Variants in PPP4R4 observed in about 807,000 individuals in gnomAD.
PPP4R4 encodes the protein serine/threonine-protein phosphatase 4 regulatory subunit 4.
Under a neutral mutation model 121.8 loss-of-function variants are expected in PPP4R4, and 70 were observed. The observed-to-expected ratio is 0.57, with a 90% confidence interval of 0.47 to 0.70. PPP4R4 has a LOEUF of 0.70. Among genes scored for constraint, PPP4R4 ranks in the 30% least tolerant of loss-of-function variants. The pLI is 0.00. For synonymous variants in PPP4R4, 348 were observed against 355.7 expected (o/e 0.98, Z 0.24); for missense variants, 875 against 1,033.6 (o/e 0.85, Z 2.10).
chr14:94,275,253 A>G, intron 23 of PPP4R4, 121 bp from the exon 24 acceptor site: 2 of 1,123,106 alleles, frequency 1.8e-6, no homozygotes, highest in Non-Finnish European at 2.6e-6. Flanking sequence ...TATGTAAATT[A>G]TACCCTCATA....
At chr14:94,218,025 G>A (rs947285721) in intron 3 of PPP4R4, among the ~76,000 whole-genome samples, 2 of 152,076 alleles carry the variant, frequency 1.3e-5, no homozygotes, top group Admixed American at 6.6e-5. Flanking sequence ...AAATAAAAAA[G>A]ATGATATCTG....
intron 2 of PPP4R4, among the ~76,000 whole-genome samples, chr14:94,205,681 A>G (rs1890417060): frequency 6.6e-6 from 1 of 151,330 alleles, no homozygotes; most frequent in Non-Finnish European, 1.5e-5. Flanking sequence ...ACAAATGTTG[A>G]TTTTTTATTT....
intron 23 of PPP4R4, among the ~76,000 whole-genome samples, chr14:94,274,056 T>C (rs1259716496): frequency 1.3e-5 from 2 of 152,244 alleles, no homozygotes; most frequent in African/African-American, 4.8e-5. Context: ...TATGACCACA[T>C]GTACACATTA....
intron 18 of PPP4R4, 79 bp downstream of exon 18, chr14:94,258,903 T>A: frequency 7.7e-7 from 1 of 1,305,162 alleles, no homozygotes; most frequent in Non-Finnish European, 1.1e-6. Flanking sequence ...CTGGGCAATT[T>A]ACAAAAGAAA....
intron 15 of PPP4R4, among the ~76,000 whole-genome samples, chr14:94,250,744 A>C (rs1893138325): frequency 6.6e-6 from 1 of 151,908 alleles, no homozygotes; most frequent in Admixed American, 6.6e-5. Context: ...TACAAATGCA[A>C]ATTTATTTTA....
rs1396776586 is a variant in PPP4R4 at position 94,230,625 on chromosome 14, G to A, written c.333G>A (p.Thr111=). 25 of 1,612,872 alleles carry A rather than the reference G, an allele frequency of 1.6e-5. No individual in the cohort carries two copies. Among genetic ancestry groups the A allele is most frequent in the South Asian group, 4.4e-5 (4 of 91,046 alleles). ...LHVAGVEMQL[T]AAMSFLTILQ... is the part of the protein sequence containing the mutation. The stretch of plus-strand genomic sequence containing the variant: ...TTGCAGGAGTGGAAATGCAGTTAAC[G>A]GCTGCGATGTCATTTCTGACCATTC... The change falls in exon 4 of 25, where the codon ACG becomes ACA. Residue 111 remains threonine (T), a synonymous_variant. Coordinates refer to ENST00000304338, the MANE Select transcript of PPP4R4 (RefSeq NM_058237.2).
intron 2 of PPP4R4, among the ~76,000 whole-genome samples, chr14:94,196,127 A>G (rs1264323709): frequency 1.4e-5 from 2 of 142,938 alleles, no homozygotes; most frequent in Non-Finnish European, 3.1e-5. Flanking sequence ...TATTGGATTG[A>G]TTTTCTCAGG....
At position 94,279,522 on chromosome 14, in the gene PPP4R4, A is replaced by G. The variant is rs1241475092; in HGVS notation, c.*879A>G. 1 of 152,596 alleles carries G rather than the reference A, an allele frequency of 6.6e-6. No homozygotes were observed. The highest frequency in any genetic ancestry group is 2.4e-5 in the African/African-American group (1 of 41,462). The allele number at this position is 152,596 out of a possible 1,614,324, so 9.5% of individuals were successfully genotyped here. A position where few individuals can be genotyped will look rare whatever the true frequency, so the allele number is the denominator to read the frequency against. ...CTTAATTTTAAACTGTCAGTTCTTGAGATATACCGTGTGAAGCTATTGTCA... is the reference window on the plus strand; with the variant it reads ...CTTAATTTTAAACTGTCAGTTCTTGGGATATACCGTGTGAAGCTATTGTCA... On this transcript the variant is annotated 3_prime_UTR_variant, in exon 25 of 25. Coordinates refer to ENST00000304338, the MANE Select transcript of PPP4R4 (RefSeq NM_058237.2).
chr14:94,275,683 G>A lies in PPP4R4; in HGVS notation c.2597+162G>A, dbSNP rs577432058. 1.5e-4 allele frequency among the ~76,000 whole-genome samples: 23 copies of A among 152,234 alleles called. No individual in the cohort carries two copies. In the East Asian group the frequency reaches 4.4e-3, roughly 29 times the overall value. ...TGTCACATGTGACTCTGTTATGTTA[G>A]TTTATATAGAATAACTTATATATGG... On this transcript the variant is annotated intron_variant, in intron 24 of 24. Transcript: ENST00000304338.
chr14:94,246,097 A>G (rs1950649), intron 13 of PPP4R4, among the ~76,000 whole-genome samples: 29,388 of 152,048 alleles, frequency 0.19, 3,362 homozygotes, highest in East Asian at 0.59. Context: ...AAGAGTTGCT[A>G]TGATAATCTG....
intron 8 of PPP4R4, among the ~76,000 whole-genome samples, chr14:94,238,217 C>T (rs180913628): frequency 3.9e-5 from 6 of 152,354 alleles, no homozygotes; most frequent in Admixed American, 2.6e-4. Context: ...TGGACCCATG[C>T]GGCCCCACCT....
chr14:94,217,831 G>C (rs11621657), intron 3 of PPP4R4, among the ~76,000 whole-genome samples: 19,250 of 152,054 alleles, frequency 0.13, 1,341 homozygotes, highest in Admixed American at 0.21. Flanking sequence ...CCCATCTCTA[G>C]TAAAAATACA....
At chr14:94,215,099 A>G (rs1458067370) in intron 3 of PPP4R4, among the ~76,000 whole-genome samples, 1 of 152,200 alleles carries the variant, frequency 6.6e-6, no homozygotes, top group African/African-American at 2.4e-5. Context: ...GATAAGGGAT[A>G]CTCAAGCTGT....
intron 5 of PPP4R4, among the ~76,000 whole-genome samples, chr14:94,231,969 C>T (rs953564754): frequency 1.3e-5 from 2 of 152,106 alleles, no homozygotes; most frequent in Non-Finnish European, 2.9e-5. Flanking sequence ...AATATTTTCT[C>T]ATATTTATAT....
rs1893950052 is a variant in PPP4R4 at position 94,264,762 on chromosome 14, C to T, written c.2128-116C>T. On this transcript the variant is annotated intron_variant, in intron 19 of 24. Transcript: ENST00000304338. ...TAGACACTAACATTGGAAAAAAATA[C>T]TTCTTTTAGGCATTTTTATGAACTT... 3 of 782,810 alleles carry T rather than the reference C, an allele frequency of 3.8e-6. No homozygotes were observed. In the South Asian group the frequency reaches 4.8e-5, roughly 12 times the overall value. The allele number at this position is 782,810 out of a possible 1,614,324, so 48.5% of individuals were successfully genotyped here.
intron 2 of PPP4R4, among the ~76,000 whole-genome samples, chr14:94,197,483 T>G (rs1445702715): frequency 6.6e-6 from 1 of 152,242 alleles, no homozygotes; most frequent in African/African-American, 2.4e-5. Context: ...TAAAAAATGA[T>G]GTGTTCACTG....
rs201701181 is a variant in PPP4R4, at chr14:94,242,402, T to A, written c.1260T>A (p.Phe420Leu). ...TCAGATACACTATTGCTATTTGCTT[T>A]TATGAAGTAAGTCTGAAGACTTGAT... ...VPVRYTIAIC[F>L]YEVSKLLNSG... Residue 420 changes from phenylalanine (F) to leucine (L), a missense_variant, in exon 11 of 25, where the codon TTT becomes TTA. Phe to Leu is a conservative substitution (Grantham distance 22, BLOSUM62 0). Transcript: ENST00000304338. 1 of 1,609,250 alleles carries A rather than the reference T, an allele frequency of 6.2e-7. No individual in the cohort carries two copies. The highest frequency in any genetic ancestry group is 8.5e-7 in the Non-Finnish European group (1 of 1,175,838).
At chr14:94,251,944 C>G in intron 16 of PPP4R4, 48 bp downstream of exon 16, 1 of 1,478,346 alleles carries the variant, frequency 6.8e-7, no homozygotes, top group Non-Finnish European at 9.2e-7. Flanking sequence ...TTATTTTTAT[C>G]TACTATAGTG....
chr14:94,218,714 C>T (rs1214781307), intron 3 of PPP4R4, among the ~76,000 whole-genome samples: 3 of 140,740 alleles, frequency 2.1e-5, no homozygotes, highest in Non-Finnish European at 3.1e-5. Flanking sequence ...CGCACACACC[C>T]TCACCCCTAG....
Sources: gnomAD v4.1 joint callset for allele counts (sites outside exome capture counted in the v4.1 genomes callset) on GRCh38, gnomAD v4.1.1 for gene constraint, MANE v1.5 for transcripts, NCBI Gene and HGNC (gene_info 2026-07-23, HGNC 2026-07-21) for gene names.